CTNNA2: variants seen among roughly 807,000 people sequenced by gnomAD.
CTNNA2 encodes the protein catenin alpha-2.
Under a neutral mutation model 101.0 loss-of-function variants are expected in CTNNA2, and 42 were observed. The observed-to-expected ratio is 0.42, with a 90% confidence interval of 0.32 to 0.54. The LOEUF (loss-of-function observed/expected upper bound fraction) is 0.54. Ranked by LOEUF, CTNNA2 falls within the 20% of genes least tolerant of loss-of-function variation. The probability of loss-of-function intolerance (pLI) is 0.14; values close to 1 mark genes in which losing one functional copy is unlikely to be tolerated. For missense variants in CTNNA2, 871 were observed against 1,223.1 expected (o/e 0.71, Z 4.29); for synonymous variants, 450 against 456.4 (o/e 0.99, Z 0.18).
chr2:80,322,558 C>A (rs1245839821), intron 7 of CTNNA2, among the ~76,000 whole-genome samples: 1 of 151,482 alleles, frequency 6.6e-6, no homozygotes, highest in African/African-American at 2.4e-5. Flanking sequence ...AGCTCCGGGA[C>A]GGCGCGCGGC....
At chr2:79,486,306 T>C (rs912375765) in intron 4 of CTNNA2, among the ~76,000 whole-genome samples, 1 of 149,076 alleles carries the variant, frequency 6.7e-6, no homozygotes, top group African/African-American at 2.5e-5. Flanking sequence ...TTCCCACCTA[T>C]GAGTGAGAAC....
chr2:79,240,984 C>A (rs1351816338), intron 2 of CTNNA2, among the ~76,000 whole-genome samples: 2 of 152,164 alleles, frequency 1.3e-5, no homozygotes, highest in African/African-American at 4.8e-5. Flanking sequence ...TTTTCCTATT[C>A]TTTAATTTTC....
intron 3 of CTNNA2, among the ~76,000 whole-genome samples, chr2:79,335,709 CAT>C (rs1261006663): frequency 6.6e-6 from 1 of 152,178 alleles, no homozygotes; most frequent in East Asian, 1.9e-4. Flanking sequence ...GGGCTTCTCT[CAT>C]CTGTTGGGCA....
chr2:80,630,311 T>C (rs564040617), intron 18 of CTNNA2, among the ~76,000 whole-genome samples: 4 of 152,330 alleles, frequency 2.6e-5, no homozygotes, highest in Non-Finnish European at 5.9e-5. Context: ...AGAAAACCTT[T>C]TCATATGTCA....
chr2:79,995,484 A>G (rs1692476157), intron 7 of CTNNA2, among the ~76,000 whole-genome samples: 1 of 152,158 alleles, frequency 6.6e-6, no homozygotes, highest in Non-Finnish European at 1.5e-5. Context: ...GAAGAATAAA[A>G]TAACCTGAGT....
At chr2:79,452,008 AG>A (rs1273793608) in intron 4 of CTNNA2, among the ~76,000 whole-genome samples, 111 of 152,168 alleles carry the variant, frequency 7.3e-4, no homozygotes, top group Non-Finnish European at 5.9e-5. Context: ...AGTGTGAGGG[AG>A]TTTTGAAAAC....
At position 80,558,732 on chromosome 2, in the gene CTNNA2, G is replaced by GC. The variant is rs1558585645; in HGVS notation, c.1741+2839_1741+2840insC. On this transcript the variant is annotated intron_variant, in intron 12 of 18. Transcript: ENST00000402739. The stretch of plus-strand genomic sequence containing the variant: ...CATTGTAGGGTGAGAGAGGGTGGTA[G>GC]TGGGAAAAAAGGGAAAAATGCCAAG... Among the ~76,000 whole-genome samples the GC allele has an allele frequency of 2.3e-3, 347 of 152,172 alleles. 1 individual carries two copies. The highest frequency in any genetic ancestry group is 7.9e-3 in the African/African-American group (328 of 41,516).
intron 3 of CTNNA2, among the ~76,000 whole-genome samples, chr2:79,340,513 G>A (rs139121385): frequency 6.6e-6 from 1 of 152,124 alleles, no homozygotes; most frequent in Non-Finnish European, 1.5e-5. Context: ...GGAAGTGGTA[G>A]CCAGAGAACA....
intron 7 of CTNNA2, among the ~76,000 whole-genome samples, chr2:80,383,295 C>A (rs1676683758): frequency 6.6e-6 from 1 of 152,132 alleles, no homozygotes; most frequent in African/African-American, 2.4e-5. Context: ...TCCATATTTT[C>A]CAAATCATCT....
chr2:79,558,256 G>A (rs1051921473), intron 1 of CTNNA2, among the ~76,000 whole-genome samples: 1 of 151,892 alleles, frequency 6.6e-6, no homozygotes, highest in African/African-American at 2.4e-5. Flanking sequence ...CTGCCATTTA[G>A]TGATGCAAAA....
chr2:80,603,990 A>G, intron 15 of CTNNA2, 84 bp from the exon 16 acceptor site: 2 of 1,153,170 alleles, frequency 1.7e-6, no homozygotes, highest in Non-Finnish European at 1.3e-6. Context: ...ATACAACACT[A>G]GACTCCTGGA....
At chr2:79,862,850 C>T (rs1449440535) in intron 4 of CTNNA2, among the ~76,000 whole-genome samples, 3 of 152,176 alleles carry the variant, frequency 2.0e-5, no homozygotes, top group African/African-American at 7.2e-5. Flanking sequence ...TGCTTTCTTT[C>T]ATAAATAACA....
chr2:79,515,310 A>G (rs1191250168), intron 1 of CTNNA2, among the ~76,000 whole-genome samples: 2 of 152,226 alleles, frequency 1.3e-5, no homozygotes, highest in East Asian at 3.9e-4. Flanking sequence ...AACAAGTGAA[A>G]GACTGTCATG....
rs571493183 is a variant in CTNNA2 at position 80,458,190 on chromosome 2, G to A, written c.1290+38589G>A. The stretch of plus-strand genomic sequence containing the variant: ...TTCGATTTTTTTTTAGAAATATTTA[G>A]AGTAATTCTATTTAGGTCAGTTGAT... On this transcript the variant is annotated intron_variant, in intron 9 of 18. Coordinates refer to ENST00000402739, the MANE Select transcript of CTNNA2 (RefSeq NM_001282597.3). Among the ~76,000 whole-genome samples the A allele has an allele frequency of 3.9e-3, 590 of 152,214 alleles. 6 individuals carry two copies. Among genetic ancestry groups the A allele is most frequent in the Non-Finnish European group, 6.0e-3 (410 of 68,014 alleles).
intron 4 of CTNNA2, among the ~76,000 whole-genome samples, chr2:79,467,288 T>C (rs1168945656): frequency 6.6e-6 from 1 of 151,906 alleles, no homozygotes; most frequent in Non-Finnish European, 1.5e-5. Flanking sequence ...TGACTGAAGA[T>C]CAAATGAATG....
intron 3 of CTNNA2, among the ~76,000 whole-genome samples, chr2:79,821,704 A>G (rs1025629187): frequency 6.6e-6 from 1 of 152,218 alleles, no homozygotes; most frequent in Non-Finnish European, 1.5e-5. Context: ...AATGAATTAT[A>G]AATTTAGTTT....
intron 7 of CTNNA2, among the ~76,000 whole-genome samples, chr2:80,130,607 C>A (rs1702360588): frequency 6.6e-6 from 1 of 152,160 alleles, no homozygotes; most frequent in African/African-American, 2.4e-5. Flanking sequence ...CGACAGGGAA[C>A]ACAGTCAACC....
At chr2:80,037,285 A>T (rs1255262185) in intron 7 of CTNNA2, among the ~76,000 whole-genome samples, 1 of 152,198 alleles carries the variant, frequency 6.6e-6, no homozygotes, top group African/African-American at 2.4e-5. Flanking sequence ...TATTTTTAAC[A>T]CAATAAGGTA....
intron 2 of CTNNA2, among the ~76,000 whole-genome samples, chr2:79,686,727 A>T (rs951531): frequency 3.2e-4 from 49 of 152,266 alleles, no homozygotes; most frequent in Middle Eastern, 3.4e-3. Context: ...TGGATACAGG[A>T]AGATACCCTG....
Sources: gnomAD v4.1 joint callset for allele counts (sites outside exome capture counted in the v4.1 genomes callset) on GRCh38, gnomAD v4.1.1 for gene constraint, MANE v1.5 for transcripts, NCBI Gene and HGNC (gene_info 2026-07-23, HGNC 2026-07-21) for gene names.